Variants in DCDC1 observed in about 807,000 individuals in gnomAD.
DCDC1 encodes the protein doublecortin domain containing 1.
A neutral mutation model predicts 178.3 loss-of-function variants in DCDC1; 200 were observed. The observed-to-expected ratio is 1.12, with a 90% CI of 1.00 to 1.26. The LOEUF (loss-of-function observed/expected upper bound fraction) is 1.26, where lower values mean the gene tolerates loss of function less well. DCDC1 is among the 50% of genes most tolerant of loss of function. DCDC1 has a pLI of 0.00. For missense variants in DCDC1, 1,983 were observed against 1,749.2 expected, an observed-to-expected ratio of 1.13 and a Z score of -2.38; for synonymous variants, 690 against 604.8, an observed-to-expected ratio of 1.14 and a Z score of -2.07.
At chr11:30,868,466 G>C (rs1941220089) in intron 38 of DCDC1, among the ~76,000 whole-genome samples, 1 of 151,934 alleles carries the variant, frequency 6.6e-6, no homozygotes, top group Admixed American at 6.6e-5. Flanking sequence ...GGCCAGGCTG[G>C]TCTTGAACTC....
At chr11:31,191,780 G>A (rs1045675919) in intron 9 of DCDC1, among the ~76,000 whole-genome samples, 24 of 151,948 alleles carry the variant, frequency 1.6e-4, no homozygotes, top group Admixed American at 4.6e-4. Flanking sequence ...GCCTTCTCAC[G>A]GTATTGAGAA....
intron 1 of DCDC1, among the ~76,000 whole-genome samples, chr11:31,343,291 G>A (rs1282608498): frequency 1.3e-5 from 2 of 152,036 alleles, no homozygotes; most frequent in Non-Finnish European, 2.9e-5. Context: ...GCACTCCAAC[G>A]TGGGTGTCAG....
intron 20 of DCDC1, among the ~76,000 whole-genome samples, chr11:31,008,176 G>C (rs999413270): frequency 1.3e-5 from 2 of 152,152 alleles, no homozygotes; most frequent in Non-Finnish European, 2.9e-5. Context: ...GGATAGGGAG[G>C]GGGGATTATG....
intron 20 of DCDC1, among the ~76,000 whole-genome samples, chr11:31,018,579 A>G (rs56334134): frequency 0.34 from 52,287 of 152,092 alleles, 9,278 homozygotes; most frequent in Middle Eastern, 0.38. Flanking sequence ...TACTAACTAC[A>G]GTAGTAACAA....
intron 20 of DCDC1, among the ~76,000 whole-genome samples, chr11:31,000,112 G>A (rs1270747954): frequency 6.6e-6 from 1 of 151,996 alleles, no homozygotes; most frequent in Non-Finnish European, 1.5e-5. Flanking sequence ...AGCATATTAG[G>A]GCATCTAAAA....
At chr11:31,092,197 A>G (rs1957861201) in intron 16 of DCDC1, among the ~76,000 whole-genome samples, 1 of 152,226 alleles carries the variant, frequency 6.6e-6, no homozygotes, top group South Asian at 2.1e-4. Context: ...ACAGGAAGAG[A>G]GAGTTCAATC....
intron 20 of DCDC1, among the ~76,000 whole-genome samples, chr11:31,016,758 C>T (rs950800561): frequency 7.9e-5 from 12 of 152,138 alleles, no homozygotes; most frequent in African/African-American, 1.2e-4. Context: ...AATAGGGATG[C>T]CTGTGTCCCA....
intron 7 of DCDC1, among the ~76,000 whole-genome samples, chr11:31,271,691 A>G (rs1272803016): frequency 6.6e-6 from 1 of 152,218 alleles, no homozygotes; most frequent in Non-Finnish European, 1.5e-5. Flanking sequence ...TGCTGCTGAT[A>G]AAGACATACC....
intron 1 of DCDC1, among the ~76,000 whole-genome samples, chr11:31,341,812 TACACAC>T (rs34730979): frequency 2.4e-4 from 34 of 144,468 alleles, no homozygotes; most frequent in Non-Finnish European, 3.3e-4. Flanking sequence ...TGCATGACTA[TACACAC>T]ACACACACAC....
At chr11:31,115,244 T>C (rs1959703361) in intron 11 of DCDC1, among the ~76,000 whole-genome samples, 1 of 152,188 alleles carries the variant, frequency 6.6e-6, no homozygotes, top group South Asian at 2.1e-4. Flanking sequence ...TTTGATGAGC[T>C]TGCCTGTAAT....
chr11:30,962,821 T>G (rs962793401), intron 20 of DCDC1, among the ~76,000 whole-genome samples: 9 of 152,088 alleles, frequency 5.9e-5, no homozygotes, highest in African/African-American at 2.2e-4. Context: ...GAGTAATTTA[T>G]ATTCAGCACT....
intron 7 of DCDC1, among the ~76,000 whole-genome samples, chr11:31,270,791 T>C (rs1160147423): frequency 6.6e-6 from 1 of 152,192 alleles, no homozygotes; most frequent in Non-Finnish European, 1.5e-5. Context: ...TGTTCAAGCA[T>C]ATCATCTTCT....
At chr11:30,885,726 C>G (rs1184844566) in intron 36 of DCDC1, among the ~76,000 whole-genome samples, 1 of 152,016 alleles carries the variant, frequency 6.6e-6, no homozygotes, top group East Asian at 1.9e-4. Flanking sequence ...GATGAGAATT[C>G]TCAATATCTA....
intron 21 of DCDC1, among the ~76,000 whole-genome samples, chr11:30,938,418 T>C (rs1947416425): frequency 6.6e-6 from 1 of 152,172 alleles, no homozygotes; most frequent in Admixed American, 6.5e-5. Context: ...TCACACACAG[T>C]TGTGCAGCTG....
chr11:30,884,235 TG>T (rs1942968208), intron 36 of DCDC1, among the ~76,000 whole-genome samples: 1 of 152,022 alleles, frequency 6.6e-6, no homozygotes, highest in Admixed American at 6.6e-5. Flanking sequence ...TTCACCATGT[TG>T]CCCAGGCTGG....
chr11:31,131,801 T>C (rs764322556), intron 10 of DCDC1, among the ~76,000 whole-genome samples: 3 of 152,214 alleles, frequency 2.0e-5, no homozygotes, highest in Non-Finnish European at 4.4e-5. Context: ...TAATGTTCTC[T>C]ATAATTTCAT....
intron 20 of DCDC1, among the ~76,000 whole-genome samples, chr11:31,021,720 A>G (rs1428998266): frequency 6.6e-6 from 1 of 152,144 alleles, no homozygotes; most frequent in African/African-American, 2.4e-5. Context: ...CCTACTTAAG[A>G]TAACTAATTT....
chr11:30,869,341 T>G (rs780061918), intron 38 of DCDC1, among the ~76,000 whole-genome samples: 2 of 152,256 alleles, frequency 1.3e-5, no homozygotes, highest in Non-Finnish European at 2.9e-5. Flanking sequence ...AAAGCTAAAC[T>G]CTGATTCAGT....
In DCDC1 at chr11:31,143,308, A is replaced by G. The variant is rs542164552; in HGVS notation, c.1222-5524T>C. On this transcript the variant is annotated intron_variant, in intron 9 of 38. Coordinates refer to ENST00000684477, the MANE Select transcript of DCDC1 (RefSeq NM_001387274.1). ...AATAAGTAATATGTTTATTATTTTT[A>G]ATTAATAATTAATTACATGATGAAA... Among the ~76,000 whole-genome samples, 3 of 152,280 alleles carry G rather than the reference A, an allele frequency of 2.0e-5. No individual in the cohort carries two copies. In the East Asian group the frequency reaches 5.8e-4, roughly 29 times the overall value.
Sources: gnomAD v4.1 joint callset for allele counts (sites outside exome capture counted in the v4.1 genomes callset) on GRCh38, gnomAD v4.1.1 for gene constraint, MANE v1.5 for transcripts, NCBI Gene and HGNC (gene_info 2026-07-23, HGNC 2026-07-21) for gene names.